Variants in NLRP5 observed in about 807,000 individuals in gnomAD.
NLRP5 encodes NACHT, LRR and PYD domains-containing protein 5.
In NLRP5, 93 loss-of-function variants were observed where a neutral mutation model predicts 113.1. That is an observed-to-expected ratio of 0.82 (90% confidence interval 0.70 to 0.98). The LOEUF is 0.98. NLRP5 is among the 50% of genes least tolerant of loss of function. The pLI is 0.00. For synonymous variants in NLRP5, 751 were observed against 600.7 expected (o/e 1.25, Z -3.66); for missense variants, 1,808 against 1,514.3 (o/e 1.19, Z -3.22).
Position 56,008,956 on chromosome 19 carries a change from T to A in NLRP5, c.508+103T>A. The A allele has an allele frequency of 7.2e-6, 7 of 970,120 alleles. No individual in the cohort carries two copies. In the South Asian group the frequency reaches 9.7e-5, roughly 13 times the overall value. 60.1% of individuals were successfully genotyped at this position (970,120 alleles called of 1,614,324 possible). ...ACCATGACTTCTGATAGTCTAGTGT[T>A]CTTTCTAGTCTAACTACCCTACATT... On this transcript the variant is annotated intron_variant, in intron 3 of 14. Coordinates refer to ENST00000390649, the MANE Select transcript of NLRP5 (RefSeq NM_153447.4).
chr19:56,047,625 G>A, intron 11 of NLRP5, among the ~76,000 whole-genome samples: 1 of 152,102 alleles, frequency 6.6e-6, no homozygotes, highest in Non-Finnish European at 1.5e-5. Flanking sequence ...TAAATTTATT[G>A]AAGCTCATTC....
upstream of NLRP5, among the ~76,000 whole-genome samples, chr19:55,995,580 T>C (rs182000467): frequency 6.6e-6 from 1 of 152,322 alleles, no homozygotes; most frequent in East Asian, 1.9e-4. Flanking sequence ...TGGGATCTTT[T>C]GTGGTTCTAT....
chr19:55,999,329 C>T (rs199475758), upstream of NLRP5, among the ~76,000 whole-genome samples: 3 of 150,916 alleles, frequency 2.0e-5, no homozygotes, highest in Non-Finnish European at 4.4e-5. Flanking sequence ...ATTCTTCTGC[C>T]TCAGCCTCCC....
At chr19:55,988,521 A>G in the NLRP5 span, 1 of 150,068 alleles carries the variant, frequency 6.7e-6, no homozygotes, top group African/African-American at 2.5e-5. Context: ...CAGGATATAG[A>G]CAAAGTCTTC....
In NLRP5 at chr19:56,053,696, A is replaced by C. The variant is rs760721960; in HGVS notation, c.3187A>C (p.Arg1063=). 1.2e-6 allele frequency: 2 copies of C among 1,613,770 alleles called. No homozygotes were observed. Among genetic ancestry groups the C allele is most frequent in the Non-Finnish European group, 1.7e-6 (2 of 1,179,816 alleles). The change falls in exon 13 of 15, where the codon AGG becomes CGG. Residue 1063 remains arginine, a synonymous_variant. Transcript: ENST00000390649. ...TGAGAGTCTGTCCTGTGTGATCTCG[A>C]GGAGCAGACACCTGAAGAGCCTGGA... is the stretch of plus-strand genomic sequence containing the variant.
rs559880189 is a variant in NLRP5 at position 56,013,294 on chromosome 19, G to A, written c.509-2448G>A. Among the ~76,000 whole-genome samples, 8 of 152,202 alleles carry A rather than the reference G, an allele frequency of 5.3e-5. No individual in the cohort carries two copies. The South Asian group carries it at 8.3e-4, about 16-fold the overall frequency. Reference sequence around the variant, plus strand: ...TGCAACCTCCGCCTCCCTGGTTCACGCTATTTTCCTGCCTCAGCCTCCTGA... The same window carrying A: ...TGCAACCTCCGCCTCCCTGGTTCACACTATTTTCCTGCCTCAGCCTCCTGA... On this transcript the variant is annotated intron_variant, in intron 3 of 14. Transcript: ENST00000390649.
At chr19:56,060,525 C>A (rs868615620) in intron 14 of NLRP5, among the ~76,000 whole-genome samples, 1 of 151,994 alleles carries the variant, frequency 6.6e-6, no homozygotes, top group Non-Finnish European at 1.5e-5. Context: ...GTCACTGTTT[C>A]CAAGAACCTA....
At chr19:56,011,264 C>G (rs1982180827) in intron 3 of NLRP5, among the ~76,000 whole-genome samples, 1 of 151,904 alleles carries the variant, frequency 6.6e-6, no homozygotes. Context: ...TTGAATGATT[C>G]CATTCATATA....
chr19:55,990,793 C>T, the NLRP5 span, among the ~76,000 whole-genome samples: 16 of 152,230 alleles, frequency 1.1e-4, no homozygotes, highest in South Asian at 2.7e-3. Context: ...CCACTGCATT[C>T]CAGCCTGGGC....
At chr19:56,007,894 T>TGCGC (rs1354380730) in intron 2 of NLRP5, among the ~76,000 whole-genome samples, 2 of 26,256 alleles carry the variant, frequency 7.6e-5, no homozygotes, top group Non-Finnish European at 1.1e-4. Flanking sequence ...TGTGTGCGCG[T>TGCGC]GCGCGCGTGC....
rs977740089 is a variant in NLRP5, at chr19:56,058,133, TGTTTTG to T, written c.3300-106_3300-101del. ...TTTCATTTTTTGTTTGTTTTTGTTT[TGTTTTG>T]TTTTCCCAAAGAAAAAGTATCAAGG... On this transcript the variant is annotated intron_variant, in intron 13 of 14. Coordinates refer to ENST00000390649, the MANE Select transcript of NLRP5 (RefSeq NM_153447.4). 79 of 897,886 alleles carry T rather than the reference TGTTTTG, an allele frequency of 8.8e-5. No individual in the cohort carries two copies. In the African/African-American group the frequency reaches 1.3e-3, roughly 15 times the overall value. The allele number at this position is 897,886 out of a possible 1,614,324, so 55.6% of individuals were successfully genotyped here.
chr19:56,032,720 C>T lies in NLRP5; in HGVS notation c.2386C>T (p.Arg796Trp), dbSNP rs144876069. ...CCTGGGCAGCAGCATCCTGACAGAG[C>T]GGGCCATGAAGACCCTGTGTGCCAA... Residue 796 changes from arginine (R) to tryptophan (W), a missense_variant, in exon 8 of 15, where the codon CGG becomes TGG. Physicochemically the swap from Arg to Trp is moderately radical, Grantham distance 101 (BLOSUM62 -3). Transcript: ENST00000390649. The T allele has an allele frequency of 8.7e-6, 14 of 1,613,268 alleles. No homozygotes were observed. Among genetic ancestry groups the T allele is most frequent in the South Asian group, 3.3e-5 (3 of 90,980 alleles).
At chr19:56,039,687 G>T (rs530224248) in intron 10 of NLRP5, among the ~76,000 whole-genome samples, 1 of 152,050 alleles carries the variant, frequency 6.6e-6, no homozygotes, top group Non-Finnish European at 1.5e-5. Context: ...CGAGGCGGGC[G>T]GATCACCTGA....
chr19:56,037,029 G>A (rs140584841), intron 9 of NLRP5, among the ~76,000 whole-genome samples: 1 of 152,250 alleles, frequency 6.6e-6, no homozygotes, highest in Admixed American at 6.5e-5. Context: ...AGTGTTTCGT[G>A]GCTATTCTAA....
At chr19:55,999,212 C>CTTTTTTTTTTTTTTTTTTTTT (rs906346601), upstream of NLRP5, among the ~76,000 whole-genome samples, 1 of 111,714 alleles carries the variant, frequency 9.0e-6, no homozygotes, top group African/African-American at 3.5e-5. Flanking sequence ...TTTTCTTTTT[C>CTTTTTTTTTTTTTTTTTTTTT]TTTTTTTTTT....
Position 56,028,132 on chromosome 19 carries a change from G to A in NLRP5, c.1899G>A (p.Met633Ile). 1 of 1,614,030 alleles carries A rather than the reference G, an allele frequency of 6.2e-7. No individual in the cohort carries two copies. Among genetic ancestry groups the A allele is most frequent in the Non-Finnish European group, 8.5e-7 (1 of 1,179,900 alleles). ...GCTTCCATATCCACTCGCTTTGGAT[G>A]AAGCGTTTCTTGTTTGGCCTCGTGA... Residue 633 changes from methionine to isoleucine, a missense_variant, in exon 7 of 15, where the codon ATG becomes ATA. Coordinates refer to ENST00000390649, the MANE Select transcript of NLRP5 (RefSeq NM_153447.4).
chr19:56,020,774 T>C (rs1293715222), intron 6 of NLRP5, among the ~76,000 whole-genome samples: 1 of 151,658 alleles, frequency 6.6e-6, no homozygotes, highest in Non-Finnish European at 1.5e-5. Flanking sequence ...GTAATTATTT[T>C]TGTAATTCCT....
In NLRP5 at chr19:56,027,476, G is replaced by C; in HGVS notation, c.1243G>C (p.Glu415Gln). Residue 415 changes from glutamate to glutamine, a missense_variant, in exon 7 of 15, where the codon GAG becomes CAG. Coordinates refer to ENST00000390649, the MANE Select transcript of NLRP5 (RefSeq NM_153447.4). ...CGTCACCGTCAGAGACGTGGGCACA[G>C]AGAAGCTCAAGTCAGAGGTCGTGTC... is the stretch of plus-strand genomic sequence containing the variant. 1 of 1,613,928 alleles carries C rather than the reference G, an allele frequency of 6.2e-7. No homozygotes were observed. Among genetic ancestry groups the C allele is most frequent in the Non-Finnish European group, 8.5e-7 (1 of 1,179,852 alleles).
upstream of NLRP5, among the ~76,000 whole-genome samples, chr19:55,995,822 A>G (rs1480782747): frequency 2.0e-5 from 3 of 152,090 alleles, no homozygotes; most frequent in Non-Finnish European, 4.4e-5. Flanking sequence ...ATTTCTAGGT[A>G]CATTTTTGTA....
Sources: allele counts gnomAD v4.1 joint callset (sites outside exome capture counted in the v4.1 genomes callset), GRCh38; gene constraint gnomAD v4.1.1; transcripts MANE v1.5; gene names NCBI Gene and HGNC (gene_info 2026-07-23, HGNC 2026-07-21).